The following UBA2 variants were observed in gnomAD, a reference collection of about 807,000 sequenced individuals.
UBA2 encodes the protein SUMO-activating enzyme subunit 2.
Under a neutral mutation model 77.2 loss-of-function variants are expected in UBA2, and 11 were observed. The observed-to-expected ratio is 0.14, with a 90% confidence interval of 0.09 to 0.24. The LOEUF (loss-of-function observed/expected upper bound fraction) is 0.24. UBA2 is among the 10% of genes least tolerant of loss of function. UBA2 has a pLI of 1.00. For missense variants in UBA2, 487 were observed against 781.7 expected (o/e 0.62, Z 4.50); for synonymous variants, 278 against 276.7 (o/e 1.00, Z -0.05).
In UBA2 at chr19:34,462,635, CA is replaced by C. The variant is rs200589452; in HGVS notation, c.1499-1382del. Among the ~76,000 whole-genome samples the C allele has an allele frequency of 5.1e-4, 76 of 148,872 alleles. 3 individuals are homozygous for C. The East Asian group carries it at 0.011, about 21-fold the overall frequency. ...AAATAATGAAAAAATGTTAAAAAGCCAAAAAAAAAGTGGGGGGAGACTGAAA... is the reference window on the plus strand; with the variant it reads ...AAATAATGAAAAAATGTTAAAAAGCCAAAAAAAAGTGGGGGGAGACTGAAA... On this transcript the variant is annotated intron_variant, in intron 14 of 16. Transcript: ENST00000246548.
intron 15 of UBA2, 147 bp from the exon 16 acceptor site, chr19:34,466,730 AT>A (rs887427740): frequency 7.1e-4 from 421 of 595,954 alleles, no homozygotes; most frequent in East Asian, 8.1e-4. Flanking sequence ...CCTATCTCTC[AT>A]TTTTTTTTAA....
At chr19:34,454,685 C>T (rs930273121) in intron 12 of UBA2, 129 bp downstream of exon 12, 1 of 529,554 alleles carries the variant, frequency 1.9e-6, no homozygotes, top group Non-Finnish European at 3.2e-6. Context: ...AGTAATTTTT[C>T]TGGTTACCAA....
At chr19:34,435,076 A>ATGT (rs2075294160) in intron 5 of UBA2, 108 bp downstream of exon 5, 1 of 786,178 alleles carries the variant, frequency 1.3e-6, no homozygotes, top group Non-Finnish European at 2.0e-6. Flanking sequence ...AACATCCAAA[A>ATGT]TGTAAGGACT....
At chr19:34,468,498 A>T (rs559914117) in intron 16 of UBA2, among the ~76,000 whole-genome samples, 15 of 152,300 alleles carry the variant, frequency 9.8e-5, no homozygotes, top group African/African-American at 3.6e-4. Context: ...GGACGAGGAG[A>T]TAAAACCACC....
At chr19:34,438,445 C>T (rs571028474) in intron 5 of UBA2, among the ~76,000 whole-genome samples, 200 bp from the exon 6 acceptor site, 22 of 152,284 alleles carry the variant, frequency 1.4e-4, no homozygotes, top group African/African-American at 4.3e-4. Context: ...CTGGCACAGC[C>T]TTAGCTATGA....
At chr19:34,451,250 G>A (rs2075492683) in intron 9 of UBA2, among the ~76,000 whole-genome samples, 1 of 152,038 alleles carries the variant, frequency 6.6e-6, no homozygotes, top group Non-Finnish European at 1.5e-5. Flanking sequence ...TCCTTTATCT[G>A]AACTGTATTA....
intron 9 of UBA2, among the ~76,000 whole-genome samples, chr19:34,450,666 A>G (rs1427398071): frequency 2.0e-5 from 3 of 150,690 alleles, no homozygotes; most frequent in Non-Finnish European, 2.9e-5. Flanking sequence ...ATAGTTAACT[A>G]GTCTCTTATT....
Position 34,467,201 on chromosome 19 carries a change from C to G in UBA2, c.1741+187C>G, listed in dbSNP as rs995085027. The G allele has an allele frequency of 2.4e-5, 16 of 669,484 alleles. No homozygotes were observed. In the African/African-American group the frequency reaches 2.9e-4, roughly 12 times the overall value. 41.5% of individuals were successfully genotyped at this position (669,484 alleles called of 1,614,324 possible). On this transcript the variant is annotated intron_variant, in intron 16 of 16. Coordinates refer to ENST00000246548, the MANE Select transcript of UBA2 (RefSeq NM_005499.3). ...AGACATTTAAGGCTGGGTGTGGTGG[C>G]TTACACCTGTAATCCCAGCACTTTG...
At chr19:34,442,693 A>G (rs1021511035) in intron 6 of UBA2, among the ~76,000 whole-genome samples, 1 of 152,066 alleles carries the variant, frequency 6.6e-6, no homozygotes, top group African/African-American at 2.4e-5. Context: ...GGCCTCCCAA[A>G]GTGTTGGGAT....
Position 34,470,109 on chromosome 19 carries a change from A to AAG in UBA2, c.*888_*889insAG, listed in dbSNP as rs397733501. On this transcript the variant is annotated 3_prime_UTR_variant, in exon 17 of 17. Transcript: ENST00000246548. ...ATCTCTACTAAAAAAAAAAAAAAAA[A>AAG]TTAGCCGGGCCTGGTGGCAGGCACC... 1 of 150,930 alleles carries AAG rather than the reference A, an allele frequency of 6.6e-6. No individual in the cohort carries two copies. Among genetic ancestry groups the AAG allele is most frequent in the Non-Finnish European group, 1.5e-5 (1 of 67,722 alleles). 9.3% of individuals were successfully genotyped at this position (150,930 alleles called of 1,614,324 possible). A position where few individuals can be genotyped will look rare whatever the true frequency, so the allele number is the denominator to read the frequency against.
In UBA2 at chr19:34,441,898, G is replaced by A. The variant is rs1184396365; in HGVS notation, c.582-1946G>A. 2.0e-5 allele frequency among the ~76,000 whole-genome samples: 3 copies of A among 150,970 alleles called. No homozygotes were observed. In the Admixed American group the frequency reaches 2.0e-4, roughly 10 times the overall value. On this transcript the variant is annotated intron_variant, in intron 6 of 16. Transcript: ENST00000246548. Reference sequence around the variant, plus strand: ...ATCATGCTACTGCACTCCAACCTGGGGGACAGAGCGAGACTGTGTCTCAGA... The same window carrying A: ...ATCATGCTACTGCACTCCAACCTGGAGGACAGAGCGAGACTGTGTCTCAGA...
At chr19:34,456,095 C>CTTTTA in intron 12 of UBA2, among the ~76,000 whole-genome samples, 1 of 69,622 alleles carries the variant, frequency 1.4e-5, no homozygotes, top group African/African-American at 5.6e-5. Flanking sequence ...TCTTTTTTTC[C>CTTTTA]TTTTCTTTTT....
intron 9 of UBA2, among the ~76,000 whole-genome samples, chr19:34,450,940 C>CT (rs886470456): frequency 3.3e-5 from 5 of 151,756 alleles, no homozygotes; most frequent in Non-Finnish European, 5.9e-5. Flanking sequence ...GTGATTATCT[C>CT]TTTAAGATTT....
intron 1 of UBA2, among the ~76,000 whole-genome samples, chr19:34,429,697 G>A (rs2075229872): frequency 6.6e-6 from 1 of 151,842 alleles, no homozygotes; most frequent in South Asian, 2.1e-4. Context: ...TTAGCGGGGC[G>A]TGGTGGTGTG....
At chr19:34,437,392 C>G (rs1048637082) in intron 5 of UBA2, among the ~76,000 whole-genome samples, 4 of 148,762 alleles carry the variant, frequency 2.7e-5, no homozygotes, top group African/African-American at 9.9e-5. Flanking sequence ...GGCGGATCAC[C>G]TGAGGTAAGG....
chr19:34,465,676 T>A (rs576224693), intron 15 of UBA2, among the ~76,000 whole-genome samples: 1 of 149,928 alleles, frequency 6.7e-6, no homozygotes, highest in African/African-American at 2.5e-5. Context: ...TGAATGTGAG[T>A]TATTAGTAAG....
chr19:34,433,286 T>C (rs1321747831), intron 3 of UBA2, 62 bp from the exon 4 acceptor site: 3 of 1,169,130 alleles, frequency 2.6e-6, no homozygotes, highest in Non-Finnish European at 3.8e-6. Flanking sequence ...CTGTTTATTA[T>C]ACTGCAAAGA....
At chr19:34,447,687 C>G (rs1416208452) in intron 8 of UBA2, among the ~76,000 whole-genome samples, 1 of 152,200 alleles carries the variant, frequency 6.6e-6, no homozygotes, top group Admixed American at 6.5e-5. Flanking sequence ...GATGAGAAGT[C>G]AAACTTTGAA....
intron 1 of UBA2, chr19:34,428,855 G>A (rs747154004): frequency 6.4e-6 from 7 of 1,097,554 alleles, no homozygotes; most frequent in Non-Finnish European, 6.7e-6. Context: ...TGGGCGTGAA[G>A]CCGCCTCTTA....
Sources: gnomAD v4.1 joint callset for allele counts (sites outside exome capture counted in the v4.1 genomes callset) on GRCh38, gnomAD v4.1.1 for gene constraint, MANE v1.5 for transcripts, NCBI Gene and HGNC (gene_info 2026-07-23, HGNC 2026-07-21) for gene names.